Variants in CASP8 observed in about 807,000 individuals in gnomAD.
CASP8 encodes the protein caspase-8.
A neutral mutation model predicts 46.3 loss-of-function variants in CASP8; 24 were observed. That is an observed-to-expected ratio of 0.52 (90% confidence interval 0.38 to 0.73). The LOEUF is 0.73. Among genes scored for constraint, CASP8 ranks in the 30% least tolerant of loss-of-function variants. The pLI is 0.00. For synonymous variants in CASP8, 188 were observed against 200.4 expected (o/e 0.94, Z 0.52); for missense variants, 460 against 559.0 (o/e 0.82, Z 1.79).
At chr2:201,250,047 T>C (rs1946710790) in intron 2 of CASP8, among the ~76,000 whole-genome samples, 1 of 152,140 alleles carries the variant, frequency 6.6e-6, no homozygotes, top group African/African-American at 2.4e-5. Context: ...TTGATGTAGG[T>C]TTGATAAAGG....
intron 6 of CASP8, among the ~76,000 whole-genome samples, chr2:201,275,167 T>C (rs200758702): frequency 1.3e-5 from 2 of 152,172 alleles, no homozygotes; most frequent in East Asian, 3.8e-4. Flanking sequence ...CATTTGAATT[T>C]TATTTTAAGA....
chr2:201,286,150 G>C (rs1949547052), intron 8 of CASP8, among the ~76,000 whole-genome samples: 1 of 152,204 alleles, frequency 6.6e-6, no homozygotes, highest in African/African-American at 2.4e-5. Flanking sequence ...GAAGCAATGG[G>C]GAGCCAAGTA....
upstream of CASP8, among the ~76,000 whole-genome samples, chr2:201,255,614 C>T (rs1946979437): frequency 6.6e-6 from 1 of 152,196 alleles, no homozygotes; most frequent in South Asian, 2.1e-4. Context: ...GTGAGACACT[C>T]CTGAGTTCAT....
At chr2:201,256,680 G>A (rs1947033928), upstream of CASP8, among the ~76,000 whole-genome samples, 1 of 152,200 alleles carries the variant, frequency 6.6e-6, no homozygotes, top group Non-Finnish European at 1.5e-5. Context: ...AACTGTCTGA[G>A]TCTTAGTTTC....
At position 201,276,966 on chromosome 2, in the gene CASP8, C is replaced by A. The variant is rs2125321700; in HGVS notation, c.800C>A (p.Ala267Glu). 6.2e-7 allele frequency: 1 copy of A among 1,608,608 alleles called. No homozygotes were observed. The highest frequency in any genetic ancestry group is 1.1e-5 in the South Asian group (1 of 90,974). ...GACAGGAATGGAACACACTTGGATGCAGGTACAGTAGAACCCAAAAGAGAA... is the reference window on the plus strand; with the variant it reads ...GACAGGAATGGAACACACTTGGATGAAGGTACAGTAGAACCCAAAAGAGAA... ...IRDRNGTHLD[A>E]GALTTTFEEL... The change falls in exon 7 of 9, where the codon GCA becomes GAA. Residue 267 changes from alanine to glutamate, a missense_variant and splice_region_variant. Transcript: ENST00000673742.
At chr2:201,267,989 T>C (rs752162706) in intron 2 of CASP8, among the ~76,000 whole-genome samples, 34 of 152,314 alleles carry the variant, frequency 2.2e-4, no homozygotes, top group Middle Eastern at 6.8e-3. Context: ...TGCAGTGGCA[T>C]GATCTCGGCT....
At chr2:201,242,779 A>G (rs751729616) in intron 2 of CASP8, 1 of 152,170 alleles carries the variant, frequency 6.6e-6, no homozygotes, top group Non-Finnish European at 1.5e-5. Flanking sequence ...TTCTAAATAT[A>G]TTATACTCCC....
rs1467394062 is a variant in CASP8 at position 201,274,885 on chromosome 2, G to C, written c.596-4G>C. On this transcript the variant is annotated splice_polypyrimidine_tract_variant and splice_region_variant and intron_variant, in intron 5 of 8. Coordinates refer to ENST00000673742, the MANE Select transcript of CASP8 (RefSeq NM_001372051.1). ...TTCTAGATGTGTCTCTTCGTTGTTT[G>C]CAGGGGAGGAGTTGTGTGGGGTAAT... is the stretch of plus-strand genomic sequence containing the variant. 6.2e-7 allele frequency: 1 copy of C among 1,610,752 alleles called. No homozygotes were observed. The highest frequency in any genetic ancestry group is 1.7e-5 in the Admixed American group (1 of 59,974).
chr2:201,269,000 A>G (rs1162008545), intron 2 of CASP8, among the ~76,000 whole-genome samples: 1 of 150,580 alleles, frequency 6.6e-6, no homozygotes, highest in East Asian at 2.0e-4. Context: ...GTGCAGTGGC[A>G]TGATCTCGGC....
chr2:201,276,937 T>C lies in CASP8; in HGVS notation c.771T>C (p.Ile257=). 6.2e-7 allele frequency: 1 copy of C among 1,613,898 alleles called. No individual in the cohort carries two copies. The highest frequency in any genetic ancestry group is 2.2e-5 in the East Asian group (1 of 44,878). The change falls in exon 7 of 9, where the codon ATT becomes ATC. Residue 257 remains isoleucine (I), a synonymous_variant. Coordinates refer to ENST00000673742, the MANE Select transcript of CASP8 (RefSeq NM_001372051.1). Reference sequence around the variant, plus strand: ...AGAAAGTGCCCAAACTTCACAGCATTAGGGACAGGAATGGAACACACTTGG... The same window carrying C: ...AGAAAGTGCCCAAACTTCACAGCATCAGGGACAGGAATGGAACACACTTGG... ...AREKVPKLHS[I]RDRNGTHLDA...
At chr2:201,285,826 G>C (rs547430947) in intron 8 of CASP8, among the ~76,000 whole-genome samples, 1 of 152,336 alleles carries the variant, frequency 6.6e-6, no homozygotes, top group East Asian at 1.9e-4. Flanking sequence ...TGCATTATGG[G>C]AGATAAATAG....
At position 201,266,349 on chromosome 2, in the gene CASP8, C is replaced by T; in HGVS notation, c.-26-112C>T. 2.5e-6 allele frequency: 2 copies of T among 797,646 alleles called. No homozygotes were observed. The highest frequency in any genetic ancestry group is 1.5e-5 in the South Asian group (1 of 65,856). The allele number at this position is 797,646 out of a possible 1,614,324, so 49.4% of individuals were successfully genotyped here. On this transcript the variant is annotated intron_variant, in intron 1 of 8. Transcript: ENST00000673742. The surrounding 1 kb of genome is among the most constrained non-coding windows in gnomAD (Gnocchi z 5.7). ...TTGTCTGGTGTTCTTTTTTTCTCTC[C>T]TGTGCTGACAGCACAATGACCAGTA...
intron 2 of CASP8, among the ~76,000 whole-genome samples, chr2:201,236,600 T>C (rs1206865885): frequency 6.6e-6 from 1 of 152,214 alleles, no homozygotes; most frequent in African/African-American, 2.4e-5. Context: ...AGTCTTTTTT[T>C]AGAGACAAGA....
chr2:201,277,804 G>A lies in CASP8; in HGVS notation c.802+836G>A, dbSNP rs534870054. 4.5e-4 allele frequency: 165 copies of A among 363,936 alleles called. 1 individual carries two copies. Among genetic ancestry groups the A allele is most frequent in the African/African-American group, 3.4e-3 (153 of 44,390 alleles). The allele number at this position is 363,936 out of a possible 1,614,324, so 22.5% of individuals were successfully genotyped here. ...CAGCCTCCACCTCCCTGGTTCAAGT[G>A]ATTCTCCTGCCTCAGCCTCCCAAGT... On this transcript the variant is annotated intron_variant, in intron 7 of 8. Coordinates refer to ENST00000673742, the MANE Select transcript of CASP8 (RefSeq NM_001372051.1).
At position 201,284,973 on chromosome 2, in the gene CASP8, G is replaced by A. The variant is rs1045487; in HGVS notation, c.960G>A (p.Lys320=). 0.073 allele frequency: 117,025 copies of A among 1,613,906 alleles called. 7,856 individuals are homozygous for A. The highest frequency in any genetic ancestry group is 0.25 in the South Asian group (22,933 of 91,066). ...FICCILSHGD[K]GIIYGTDGQE... ...GCTGTATCCTCTCCCATGGAGACAA[G>A]GGCATCATCTATGGCACTGATGGAC... Residue 320 remains lysine, a synonymous_variant, in exon 8 of 9, where the codon AAG becomes AAA. Coordinates refer to ENST00000673742, the MANE Select transcript of CASP8 (RefSeq NM_001372051.1).
At chr2:201,273,948 T>G (rs1948463167) in intron 5 of CASP8, among the ~76,000 whole-genome samples, 1 of 152,186 alleles carries the variant, frequency 6.6e-6, no homozygotes, top group African/African-American at 2.4e-5. Flanking sequence ...GTGCTGGGAC[T>G]ATAGGCAATT....
At chr2:201,271,767 T>TA in intron 3 of CASP8, 146 bp downstream of exon 3, 5 of 698,028 alleles carry the variant, frequency 7.2e-6, no homozygotes, top group South Asian at 6.1e-5. Context: ...GCACGAGTGT[T>TA]ACAGATGTGA....
At chr2:201,267,243 A>G (rs1947887463) in intron 2 of CASP8, among the ~76,000 whole-genome samples, 1 of 152,080 alleles carries the variant, frequency 6.6e-6, no homozygotes, top group Non-Finnish European at 1.5e-5. Context: ...GCCTCTCGAT[A>G]TCCAGATTGT....
chr2:201,263,297 T>C (rs1363825846), intron 1 of CASP8, among the ~76,000 whole-genome samples: 1 of 152,226 alleles, frequency 6.6e-6, no homozygotes, highest in Non-Finnish European at 1.5e-5. Context: ...CGTTTTAAAG[T>C]CATCCTAAAT....
Sources: allele counts gnomAD v4.1 joint callset (sites outside exome capture counted in the v4.1 genomes callset), GRCh38; gene constraint gnomAD v4.1.1; non-coding constraint Gnocchi (gnomAD v3.1); transcripts MANE v1.5; gene names NCBI Gene and HGNC (gene_info 2026-07-23, HGNC 2026-07-21).